GALNT18: variants seen among roughly 807,000 people sequenced by gnomAD.
The protein encoded by GALNT18 is GalNAc-transferase 18.
GALNT18 carries 44 observed loss-of-function variants against 69.5 expected under a neutral mutation model. The observed-to-expected ratio is 0.63, with a 90% CI of 0.50 to 0.81. The LOEUF (loss-of-function observed/expected upper bound fraction) is 0.81. Ranked by LOEUF, GALNT18 falls within the 40% of genes least tolerant of loss-of-function variation. The probability of loss-of-function intolerance (pLI) is 0.00; values close to 1 mark genes in which losing one functional copy is unlikely to be tolerated. For synonymous variants in GALNT18, 364 were observed against 318.2 expected (o/e 1.14, Z -1.53); for missense variants, 715 against 810.0 (o/e 0.88, Z 1.42).
At chr11:11,534,228 A>G (rs754260421) in intron 1 of GALNT18, among the ~76,000 whole-genome samples, 1 of 152,192 alleles carries the variant, frequency 6.6e-6, no homozygotes, top group Non-Finnish European at 1.5e-5. Flanking sequence ...ACAAACTCCA[A>G]TGGTGACTCC....
At position 11,315,038 on chromosome 11, in the gene GALNT18, A is replaced by ATGTGTGTGTG. The variant is rs10537962; in HGVS notation, c.1512+12038_1512+12047dup. Among the ~76,000 whole-genome samples the ATGTGTGTGTG allele has an allele frequency of 1.3e-5, 2 of 150,202 alleles. No individual in the cohort carries two copies. Among genetic ancestry groups the ATGTGTGTGTG allele is most frequent in the South Asian group, 2.1e-4 (1 of 4,708 alleles). ...GCAGAGATGGACACATACTAATTAT[A>ATGTGTGTGTG]TGTGTGTGTGTGTGTGTGTGTGTGT... On this transcript the variant is annotated intron_variant, in intron 9 of 10. Transcript: ENST00000227756. The surrounding 1 kb of genome is among the most constrained non-coding windows in gnomAD (Gnocchi z 5.6).
In GALNT18 at chr11:11,271,062, A is replaced by G. The variant is rs762840562; in HGVS notation, c.*82T>C. On this transcript the variant is annotated 3_prime_UTR_variant, in exon 11 of 11. Transcript: ENST00000227756. ...CACTAACCTGGTTCCCCAGACTCCA[A>G]ACAACCCCACGTGGACAGCAGGCAA... The G allele has an allele frequency of 2.2e-6, 3 of 1,379,986 alleles. No individual in the cohort carries two copies. The highest frequency in any genetic ancestry group is 3.0e-6 in the Non-Finnish European group (3 of 1,014,608). 85.5% of individuals were successfully genotyped at this position (1,379,986 alleles called of 1,614,324 possible). A position where few individuals can be genotyped will look rare whatever the true frequency, so the allele number is the denominator to read the frequency against.
At position 11,341,708 on chromosome 11, in the gene GALNT18, C is replaced by T. The variant is rs1850210795; in HGVS notation, c.1093-704G>A. On this transcript the variant is annotated intron_variant, in intron 6 of 10. Transcript: ENST00000227756. The surrounding 1 kb of genome is among the most constrained non-coding windows in gnomAD (Gnocchi z 6.3). ...CTACAATCTTTCCAGCCATCCTGACCTTTCAATGTTCCTGAACTTGCACTC... is the reference window on the plus strand; with the variant it reads ...CTACAATCTTTCCAGCCATCCTGACTTTTCAATGTTCCTGAACTTGCACTC... 6.6e-6 allele frequency among the ~76,000 whole-genome samples: 1 copy of T among 152,182 alleles called. No individual in the cohort carries two copies. The highest frequency in any genetic ancestry group is 1.5e-5 in the Non-Finnish European group (1 of 68,032).
rs967963033 is a variant in GALNT18, at chr11:11,573,059, G to A, written c.235+48300C>T. 3.3e-5 allele frequency among the ~76,000 whole-genome samples: 5 copies of A among 152,148 alleles called. No individual in the cohort carries two copies. The highest frequency in any genetic ancestry group is 9.7e-5 in the African/African-American group (4 of 41,422). ...GCCCATTTTACAGATGAGAAACCTG[G>A]GTCTCAGAGATACTAATGAAAGTAA... On this transcript the variant is annotated intron_variant, in intron 1 of 10. Coordinates refer to ENST00000227756, the MANE Select transcript of GALNT18 (RefSeq NM_198516.3). This position sits in a 1 kb window ranked among gnomAD's most constrained non-coding sequence, Gnocchi z 4.6.
chr11:11,566,319 T>C (rs1416717540), intron 1 of GALNT18, among the ~76,000 whole-genome samples: 1 of 152,194 alleles, frequency 6.6e-6, no homozygotes, highest in Non-Finnish European at 1.5e-5. Context: ...GGGACTGTGC[T>C]CCAATAAAAC....
At chr11:11,275,468 TTC>T (rs1848923991) in intron 10 of GALNT18, among the ~76,000 whole-genome samples, 1 of 152,236 alleles carries the variant, frequency 6.6e-6, no homozygotes, top group Non-Finnish European at 1.5e-5. Context: ...TGCCAAAGTT[TTC>T]TCTCATTCTG....
intron 9 of GALNT18, 144 bp downstream of exon 9, chr11:11,326,942 A>G: frequency 3.2e-6 from 2 of 621,148 alleles, no homozygotes; most frequent in Non-Finnish European, 5.7e-6. Context: ...GATGTGCCCT[A>G]ATGAAAAGCC....
At chr11:11,366,078 T>C (rs1180907594) in intron 6 of GALNT18, among the ~76,000 whole-genome samples, 1 of 152,204 alleles carries the variant, frequency 6.6e-6, no homozygotes. Flanking sequence ...GTCAGAGGTA[T>C]TGTCCCAAAT....
At chr11:11,427,676 A>G (rs1353814368) in intron 3 of GALNT18, among the ~76,000 whole-genome samples, 1 of 152,224 alleles carries the variant, frequency 6.6e-6, no homozygotes, top group Non-Finnish European at 1.5e-5. Flanking sequence ...GCTGGAATGG[A>G]AAAGCTGGCC....
At chr11:11,557,021 C>T (rs1858348072) in intron 1 of GALNT18, among the ~76,000 whole-genome samples, 1 of 152,196 alleles carries the variant, frequency 6.6e-6, no homozygotes, top group African/African-American at 2.4e-5. Flanking sequence ...GTGAGGCTCC[C>T]ATGCCAGGCC....
intron 1 of GALNT18, among the ~76,000 whole-genome samples, chr11:11,481,101 G>T (rs1856517772): frequency 6.6e-6 from 1 of 152,114 alleles, no homozygotes; most frequent in Non-Finnish European, 1.5e-5. Flanking sequence ...TGGAATCCTG[G>T]CAGGAGGTTT....
At chr11:11,467,988 A>C (rs1856186865) in intron 1 of GALNT18, among the ~76,000 whole-genome samples, 3 of 152,326 alleles carry the variant, frequency 2.0e-5, no homozygotes, top group South Asian at 2.1e-4. Flanking sequence ...ATAATTACTA[A>C]GAAGTCTTAA....
chr11:11,420,531 A>C (rs139436139), intron 3 of GALNT18, among the ~76,000 whole-genome samples: 12 of 152,192 alleles, frequency 7.9e-5, no homozygotes, highest in African/African-American at 2.7e-4. Flanking sequence ...CCATACTCCA[A>C]AGATTTAATG....
At chr11:11,299,561 G>A (rs1849458066) in intron 9 of GALNT18, among the ~76,000 whole-genome samples, 1 of 152,160 alleles carries the variant, frequency 6.6e-6, no homozygotes, top group African/African-American at 2.4e-5. Flanking sequence ...CTTTAACTGA[G>A]AGCATAGGAT....
chr11:11,412,521 T>G (rs1854754487), intron 3 of GALNT18, among the ~76,000 whole-genome samples: 1 of 152,220 alleles, frequency 6.6e-6, no homozygotes, highest in Admixed American at 6.5e-5. Context: ...CCCCAGGTTC[T>G]AAGCACTGTG....
chr11:11,607,123 TTTAA>T, intron 1 of GALNT18, among the ~76,000 whole-genome samples: 1 of 152,354 alleles, frequency 6.6e-6, no homozygotes, highest in Admixed American at 6.5e-5. Flanking sequence ...AAAGAAGACA[TTTAA>T]TTTTCTGTTT....
At chr11:11,513,521 C>A (rs1394379075) in intron 1 of GALNT18, among the ~76,000 whole-genome samples, 2 of 152,208 alleles carry the variant, frequency 1.3e-5, no homozygotes, top group African/African-American at 4.8e-5. Context: ...TCAAAGAGGA[C>A]TTAGGCAATA....
intron 10 of GALNT18, among the ~76,000 whole-genome samples, chr11:11,279,961 GGCAGGGACTGAGAA>G (rs1483556844): frequency 2.0e-5 from 3 of 152,168 alleles, no homozygotes; most frequent in African/African-American, 7.2e-5. Flanking sequence ...AGATGAAGGA[GGCAGGGACTGAGAA>G]GCAGGGGGTG....
intron 1 of GALNT18, among the ~76,000 whole-genome samples, chr11:11,486,853 A>T (rs1856656355): frequency 6.6e-6 from 1 of 152,214 alleles, no homozygotes; most frequent in Non-Finnish European, 1.5e-5. Context: ...AAAGCAGCCA[A>T]AGCCCAAATG....
Sources: gnomAD v4.1 joint callset for allele counts (sites outside exome capture counted in the v4.1 genomes callset) on GRCh38, gnomAD v4.1.1 for gene constraint, Gnocchi (gnomAD v3.1) non-coding constraint, MANE v1.5 for transcripts, NCBI Gene and HGNC (gene_info 2026-07-23, HGNC 2026-07-21) for gene names.